The following RGS9BP variants were observed in gnomAD, a reference collection of about 807,000 sequenced individuals.
The protein encoded by RGS9BP is regulator of G protein signaling 9-binding protein.
In RGS9BP, 1 loss-of-function variant was observed where a neutral mutation model predicts 3.8. That is an observed-to-expected ratio of 0.26 (90% CI 0.09 to 1.24). The LOEUF (loss-of-function observed/expected upper bound fraction) is 1.24, where lower values mean the gene tolerates loss of function less well. Ranked by LOEUF, RGS9BP falls within the 50% of genes most tolerant of loss-of-function variation. The pLI, the probability that RGS9BP is intolerant of heterozygous loss-of-function variation, is 0.48. For missense variants in RGS9BP, 363 were observed against 344.3 expected (o/e 1.05, Z -0.43); for synonymous variants, 200 against 177.8 (o/e 1.13, Z -1.00).
Position 32,676,303 on chromosome 19 carries a change from A to C in RGS9BP, c.40A>C (p.Asn14His). The C allele has an allele frequency of 6.2e-7, 1 of 1,607,768 alleles. No individual in the cohort carries two copies. ...GTGCAAGGCGCTGCTGGACGGGCTCAACAAGACGACTGCGTGCTACCACCA... is the reference window on the plus strand; with the variant it reads ...GTGCAAGGCGCTGCTGGACGGGCTCCACAAGACGACTGCGTGCTACCACCA... ...EECKALLDGL[N>H]KTTACYHHLV... Residue 14 changes from asparagine to histidine, a missense_variant, in exon 1 of 1, where the codon AAC (asparagine) becomes CAC (histidine). Transcript: ENST00000334176.
In RGS9BP at chr19:32,676,330, C is replaced by A. The variant is rs756711892; in HGVS notation, c.67C>A (p.Leu23Met). ...LNKTTACYHH[L>M]VLTVGGSADS... ...CAAGACGACTGCGTGCTACCACCACCTGGTGCTGACCGTCGGTGGCTCGGC... is the reference window on the plus strand; with the variant it reads ...CAAGACGACTGCGTGCTACCACCACATGGTGCTGACCGTCGGTGGCTCGGC... Residue 23 changes from leucine to methionine, a missense_variant, in exon 1 of 1, where the codon CTG becomes ATG. Leu to Met is a conservative substitution (Grantham distance 15, BLOSUM62 2). Coordinates refer to ENST00000334176, the MANE Select transcript of RGS9BP (RefSeq NM_207391.3). The A allele has an allele frequency of 9.3e-6, 15 of 1,611,068 alleles. No individual in the cohort carries two copies. The African/African-American group carries it at 1.9e-4, about 20-fold the overall frequency.
At position 32,678,269 on chromosome 19, in the gene RGS9BP, C is replaced by CG. The variant is rs1555751484; in HGVS notation, c.*1298_*1299insG. ...CTACTTCTGAAGTTGATAGTCTTCC[C>CG]CCCCCCCCACTTTTTTCTTTTTTGA... On this transcript the variant is annotated 3_prime_UTR_variant, in exon 1 of 1. Coordinates refer to ENST00000334176, the MANE Select transcript of RGS9BP (RefSeq NM_207391.3). The CG allele has an allele frequency of 7.1e-6, 1 of 141,090 alleles. No homozygotes were observed. The highest frequency in any genetic ancestry group is 1.7e-5 in the Non-Finnish European group (1 of 59,728). The allele number at this position is 141,090 out of a possible 1,614,324, so 8.7% of individuals were successfully genotyped here. A position where few individuals can be genotyped will look rare whatever the true frequency, so the allele number is the denominator to read the frequency against.
chr19:32,676,221 G>A lies in RGS9BP; in HGVS notation c.-43G>A, dbSNP rs761817862. 7.0e-6 allele frequency: 10 copies of A among 1,426,590 alleles called. No individual in the cohort carries two copies. The African/African-American group carries it at 1.1e-4, about 16-fold the overall frequency. 88.4% of individuals were successfully genotyped at this position (1,426,590 alleles called of 1,614,324 possible). ...CACATCCTGCCGCGCTGAGGGGGAG[G>A]CTAACGGGCGCGGGCGGCCGGGCCC... On this transcript the variant is annotated 5_prime_UTR_variant, in exon 1 of 1. Coordinates refer to ENST00000334176, the MANE Select transcript of RGS9BP (RefSeq NM_207391.3).
At position 32,677,058 on chromosome 19, in the gene RGS9BP, A is replaced by G; in HGVS notation, c.*87A>G. On this transcript the variant is annotated 3_prime_UTR_variant, in exon 1 of 1. Coordinates refer to ENST00000334176, the MANE Select transcript of RGS9BP (RefSeq NM_207391.3). ...TGTGGGGTCTGGCCTGTGCAAGGGG[A>G]GTGGTCCTAAAACCCCGTGTGTGCA... 1 of 1,209,404 alleles carries G rather than the reference A, an allele frequency of 8.3e-7. No homozygotes were observed. Among genetic ancestry groups the G allele is most frequent in the Non-Finnish European group, 1.2e-6 (1 of 835,872 alleles). 74.9% of individuals were successfully genotyped at this position (1,209,404 alleles called of 1,614,324 possible). A position where few individuals can be genotyped will look rare whatever the true frequency, so the allele number is the denominator to read the frequency against.
Position 32,676,107 on chromosome 19 carries a change from C to G in RGS9BP, c.-157C>G. 1 of 571,860 alleles carries G rather than the reference C, an allele frequency of 1.7e-6. No individual in the cohort carries two copies. The highest frequency in any genetic ancestry group is 3.0e-6 in the Non-Finnish European group (1 of 333,208). 35.4% of individuals were successfully genotyped at this position (571,860 alleles called of 1,614,324 possible). A position where few individuals can be genotyped will look rare whatever the true frequency, so the allele number is the denominator to read the frequency against. On this transcript the variant is annotated 5_prime_UTR_variant, in exon 1 of 1. Transcript: ENST00000334176. The stretch of plus-strand genomic sequence containing the variant: ...GCGCACGTCGAGGGTCCCGGGCGGG[C>G]TCCGTGGACGTTGGCGGTAGCGCCG...
Position 32,676,369 on chromosome 19 carries a change from C to T in RGS9BP, c.106C>T (p.Leu36=), listed in dbSNP as rs1342002774. ...CGGTGGCTCGGCGGACTCGCAGAAC[C>T]TGCGGCAGGAGCTGCAAAAGACGCG... ...TVGGSADSQN[L]RQELQKTRQK... The change falls in exon 1 of 1, where the codon CTG becomes TTG. Residue 36 remains leucine (L), a synonymous_variant. Coordinates refer to ENST00000334176, the MANE Select transcript of RGS9BP (RefSeq NM_207391.3). 1 of 1,611,452 alleles carries T rather than the reference C, an allele frequency of 6.2e-7. No individual in the cohort carries two copies. Among genetic ancestry groups the T allele is most frequent in the Admixed American group, 1.7e-5 (1 of 59,986 alleles).
chr19:32,676,167 C>T lies in RGS9BP; in HGVS notation c.-97C>T. On this transcript the variant is annotated 5_prime_UTR_variant, in exon 1 of 1. Coordinates refer to ENST00000334176, the MANE Select transcript of RGS9BP (RefSeq NM_207391.3). ...CGGACCATGAAGAGCGTTCGTGCCG[C>T]GCGGCCCAAGGCCGGGATGGGGGTT... 1 of 780,032 alleles carries T rather than the reference C, an allele frequency of 1.3e-6. No homozygotes were observed. Among genetic ancestry groups the T allele is most frequent in the South Asian group, 1.9e-5 (1 of 53,846 alleles). The allele number at this position is 780,032 out of a possible 1,614,324, so 48.3% of individuals were successfully genotyped here.
chr19:32,677,302 C>A lies in RGS9BP; in HGVS notation c.*331C>A. The A allele has an allele frequency of 3.3e-6, 1 of 302,688 alleles. No individual in the cohort carries two copies. The highest frequency in any genetic ancestry group is 6.6e-6 in the Non-Finnish European group (1 of 151,608). The allele number at this position is 302,688 out of a possible 1,614,324, so 18.8% of individuals were successfully genotyped here. On this transcript the variant is annotated 3_prime_UTR_variant, in exon 1 of 1. Transcript: ENST00000334176. ...TGTTGGGGCGTCTTTACAGGGAGTC[C>A]GAGTTCGGTGCCCACCCCTGCCAGC...
Position 32,676,596 on chromosome 19 carries a change from G to A in RGS9BP, c.333G>A (p.Pro111=). ...AAFPLHAPRR[P]LVRTGVAGAS... The stretch of plus-strand genomic sequence containing the variant: ...TCCCGCTGCACGCGCCGCGGCGGCC[G>A]CTGGTGCGCACAGGTGTGGCTGGCG... The change falls in exon 1 of 1, where the codon CCG becomes CCA. Residue 111 remains proline (P), a synonymous_variant. Transcript: ENST00000334176. 2 of 1,425,086 alleles carry A rather than the reference G, an allele frequency of 1.4e-6. No homozygotes were observed. The highest frequency in any genetic ancestry group is 1.8e-6 in the Non-Finnish European group (2 of 1,101,702). 88.3% of individuals were successfully genotyped at this position (1,425,086 alleles called of 1,614,324 possible).
Position 32,676,825 on chromosome 19 carries a change from A to G in RGS9BP, c.562A>G (p.Thr188Ala). 6.3e-7 allele frequency: 1 copy of G among 1,585,396 alleles called. No individual in the cohort carries two copies. The highest frequency in any genetic ancestry group is 8.5e-7 in the Non-Finnish European group (1 of 1,173,370). The change falls in exon 1 of 1, where the codon ACG becomes GCG. Residue 188 changes from threonine (T) to alanine (A), a missense_variant. Transcript: ENST00000334176. ...GGCGGCGGGCGCCGAGCTCCTGTCC[A>G]CGGTCAGCGCCGGCCCCTCCTCGGT... ...RQAAGAELLS[T>A]VSAGPSSVVS...
At position 32,677,911 on chromosome 19, in the gene RGS9BP, CT is replaced by C. The variant is rs1968036482; in HGVS notation, c.*941del. The C allele has an allele frequency of 6.0e-6, 1 of 167,172 alleles. No homozygotes were observed. The highest frequency in any genetic ancestry group is 1.9e-4 in the East Asian group (1 of 5,204). The allele number at this position is 167,172 out of a possible 1,614,324, so 10.4% of individuals were successfully genotyped here. On this transcript the variant is annotated 3_prime_UTR_variant, in exon 1 of 1. Transcript: ENST00000334176. ...TAGAGCACTTAATCCTATTTATCCC[CT>C]GGAATGTGCGTGCTGGCCAGTAGGA...
chr19:32,676,636 G>A lies in RGS9BP; in HGVS notation c.373G>A (p.Ala125Thr), dbSNP rs1251496849. 3 of 1,531,486 alleles carry A rather than the reference G, an allele frequency of 2.0e-6. No homozygotes were observed. The highest frequency in any genetic ancestry group is 1.8e-4 in the Middle Eastern group (1 of 5,660). The allele number at this position is 1,531,486 out of a possible 1,614,324, so 94.9% of individuals were successfully genotyped here. The change falls in exon 1 of 1, where the codon GCG becomes ACG. Residue 125 changes from alanine to threonine, a missense_variant. Ala to Thr is a moderately conservative substitution (Grantham distance 58). Transcript: ENST00000334176. ...TGTGGCTGGCGCCTCCTCCGGCGTG[G>A]CGGCGCGCGCGCTGAGCACCCGCAG... The part of the protein sequence containing the change: ...TGVAGASSGV[A>T]ARALSTRSLR...
rs1438724494 is a variant in RGS9BP, at chr19:32,676,378, G to T, written c.115G>T (p.Glu39Ter). ...GGCGGACTCGCAGAACCTGCGGCAG[G>T]AGCTGCAAAAGACGCGCCAGAAGGC... The part of the protein sequence containing the change: ...GSADSQNLRQ[E>*]LQKTRQKAQE... The change falls in exon 1 of 1, where the codon GAG (glutamate) becomes TAG (stop). Residue 39 changes from glutamate to a stop codon, truncating the protein, a stop_gained. Coordinates refer to ENST00000334176, the MANE Select transcript of RGS9BP (RefSeq NM_207391.3). LOFTEE classifies it high-confidence loss of function. The T allele has an allele frequency of 1.9e-6, 3 of 1,611,036 alleles. No individual in the cohort carries two copies. The highest frequency in any genetic ancestry group is 2.5e-6 in the Non-Finnish European group (3 of 1,179,444).
Position 32,675,950 on chromosome 19 carries a change from T to C in RGS9BP, c.-314T>C. The C allele has an allele frequency of 3.3e-6, 1 of 300,162 alleles. No homozygotes were observed. Among genetic ancestry groups the C allele is most frequent in the Non-Finnish European group, 6.2e-6 (1 of 161,592 alleles). The allele number at this position is 300,162 out of a possible 1,614,324, so 18.6% of individuals were successfully genotyped here. ...GGAGGATGGGGACCGCACCCTCAGC[T>C]TCGCAGGGAGCCACCGTGGAGGCCA... On this transcript the variant is annotated 5_prime_UTR_variant, in exon 1 of 1. Transcript: ENST00000334176.
Position 32,678,151 on chromosome 19 carries a change from AAT to A in RGS9BP, c.*1182_*1183del, listed in dbSNP as rs372481744. The A allele has an allele frequency of 1.4e-4, 23 of 167,254 alleles. No homozygotes were observed. Among genetic ancestry groups the A allele is most frequent in the African/African-American group, 5.5e-4 (23 of 41,600 alleles). The allele number at this position is 167,254 out of a possible 1,614,324, so 10.4% of individuals were successfully genotyped here. On this transcript the variant is annotated 3_prime_UTR_variant, in exon 1 of 1. Coordinates refer to ENST00000334176, the MANE Select transcript of RGS9BP (RefSeq NM_207391.3). ...CGTGTACTATGAAAGCTGTTATTTTAATAAAGAACGCTGGGCCATGAACTCAT... is the reference window on the plus strand; with the variant it reads ...CGTGTACTATGAAAGCTGTTATTTTAAAAGAACGCTGGGCCATGAACTCAT...
In RGS9BP at chr19:32,676,827, G is replaced by C; in HGVS notation, c.564G>C (p.Thr188=). ...RQAAGAELLS[T]VSAGPSSVVS... ...CGGCGGGCGCCGAGCTCCTGTCCAC[G>C]GTCAGCGCCGGCCCCTCCTCGGTCG... Residue 188 remains threonine (T), a synonymous_variant, in exon 1 of 1, where the codon ACG becomes ACC. Coordinates refer to ENST00000334176, the MANE Select transcript of RGS9BP (RefSeq NM_207391.3). 1 of 1,585,046 alleles carries C rather than the reference G, an allele frequency of 6.3e-7. No individual in the cohort carries two copies. The highest frequency in any genetic ancestry group is 8.5e-7 in the Non-Finnish European group (1 of 1,173,240).
chr19:32,677,025 G>C lies in RGS9BP; in HGVS notation c.*54G>C. ...CGCTCCCTCCCCTGAGAAAAGACTCGGGATGGGTGTGGGGTCTGGCCTGTG... is the reference window on the plus strand; with the variant it reads ...CGCTCCCTCCCCTGAGAAAAGACTCCGGATGGGTGTGGGGTCTGGCCTGTG... On this transcript the variant is annotated 3_prime_UTR_variant, in exon 1 of 1. Coordinates refer to ENST00000334176, the MANE Select transcript of RGS9BP (RefSeq NM_207391.3). 1 of 1,475,028 alleles carries C rather than the reference G, an allele frequency of 6.8e-7. No homozygotes were observed. Among genetic ancestry groups the C allele is most frequent in the Non-Finnish European group, 9.3e-7 (1 of 1,072,962 alleles). The allele number at this position is 1,475,028 out of a possible 1,614,324, so 91.4% of individuals were successfully genotyped here.
rs1322133454 is a variant in RGS9BP at position 32,676,202 on chromosome 19, C to A, written c.-62C>A. 5 of 1,242,574 alleles carry A rather than the reference C, an allele frequency of 4.0e-6. No homozygotes were observed. The Admixed American group carries it at 1.0e-4, about 25-fold the overall frequency. 77.0% of individuals were successfully genotyped at this position (1,242,574 alleles called of 1,614,324 possible). On this transcript the variant is annotated 5_prime_UTR_variant, in exon 1 of 1. In the 5' UTR this introduces an upstream ATG that the reference lacks. Coordinates refer to ENST00000334176, the MANE Select transcript of RGS9BP (RefSeq NM_207391.3). ...GGCCGGGATGGGGGTTAGCCACATC[C>A]TGCCGCGCTGAGGGGGAGGCTAACG...
rs1010553398 is a variant in RGS9BP at position 32,675,895 on chromosome 19, C to A, written c.-369C>A. The A allele has an allele frequency of 2.3e-4, 47 of 202,432 alleles. No individual in the cohort carries two copies. Among genetic ancestry groups the A allele is most frequent in the African/African-American group, 1.0e-3 (43 of 43,186 alleles). 12.5% of individuals were successfully genotyped at this position (202,432 alleles called of 1,614,324 possible). ...GCCTAAGGCGGAGCGCGCGGCTCTG[C>A]AGCCTGCTTGCCCCGGAGTTGGCAC... On this transcript the variant is annotated 5_prime_UTR_variant, in exon 1 of 1. Transcript: ENST00000334176.
Sources: gnomAD v4.1 joint callset for allele counts on GRCh38, gnomAD v4.1.1 for gene constraint, MANE v1.5 for transcripts, NCBI Gene and HGNC (gene_info 2026-07-23, HGNC 2026-07-21) for gene names.